The following UNC79 variants were observed in gnomAD, a reference collection of about 807,000 sequenced individuals.
The protein encoded by UNC79 is protein unc-79 homolog.
UNC79 carries 37 observed loss-of-function variants against 283.1 expected under a neutral mutation model. That is an observed-to-expected ratio of 0.13 (90% CI 0.10 to 0.17). The LOEUF (loss-of-function observed/expected upper bound fraction) is 0.17. Ranked by LOEUF, UNC79 falls within the 10% of genes least tolerant of loss-of-function variation. The pLI, the probability that UNC79 is intolerant of heterozygous loss-of-function variation, is 1.00. For missense variants in UNC79, 2,272 were observed against 3,211.1 expected (o/e 0.71, Z 7.07); for synonymous variants, 1,107 against 1,200.2 (o/e 0.92, Z 1.61).
At chr14:93,623,415 A>G (rs1317347030) in intron 30 of UNC79, among the ~76,000 whole-genome samples, 6 of 152,218 alleles carry the variant, frequency 3.9e-5, no homozygotes, top group Admixed American at 2.6e-4. Context: ...TGATGAAGTT[A>G]TCACAGCCCA....
chr14:93,526,515 G>C lies in UNC79; in HGVS notation c.964-2043G>C, dbSNP rs1275234545. Among the ~76,000 whole-genome samples the C allele has an allele frequency of 2.0e-5, 3 of 152,074 alleles. 1 individual carries two copies. Among genetic ancestry groups the C allele is most frequent in the African/African-American group, 7.2e-5 (3 of 41,426 alleles). Reference sequence around the variant, plus strand: ...ACTATGGATTGCATCAAGATGGAAGGTTAATGTGTTAATTGAATTTTCTTT... The same window carrying C: ...ACTATGGATTGCATCAAGATGGAAGCTTAATGTGTTAATTGAATTTTCTTT... On this transcript the variant is annotated intron_variant, in intron 8 of 48. Coordinates refer to ENST00000555664, the Ensembl canonical transcript of UNC79.
At chr14:93,699,165 A>C (rs964985034) in intron 47 of UNC79, among the ~76,000 whole-genome samples, 1 of 152,184 alleles carries the variant, frequency 6.6e-6, no homozygotes, top group Admixed American at 6.5e-5. Flanking sequence ...TGAGGTTTTT[A>C]GATCATTTTC....
intron 30 of UNC79, among the ~76,000 whole-genome samples, chr14:93,625,686 T>G (rs1183052445): frequency 6.6e-6 from 1 of 152,166 alleles, no homozygotes; most frequent in Non-Finnish European, 1.5e-5. Context: ...CCTCCCCTAC[T>G]TCGTGTCTTT....
intron 1 of UNC79, among the ~76,000 whole-genome samples, chr14:93,450,084 G>A (rs951508534): frequency 6.6e-6 from 1 of 152,160 alleles, no homozygotes; most frequent in African/African-American, 2.4e-5. Context: ...AGTGAGTCCT[G>A]GGAAAGAAGG....
chr14:93,528,055 C>A (rs765851616), intron 8 of UNC79, among the ~76,000 whole-genome samples: 15 of 151,812 alleles, frequency 9.9e-5, no homozygotes, highest in Non-Finnish European at 1.9e-4. Flanking sequence ...AGAAGTGAAC[C>A]ACTCAATGTT....
At chr14:93,382,876 T>C (rs1329266984) in intron 1 of UNC79, among the ~76,000 whole-genome samples, 1 of 152,118 alleles carries the variant, frequency 6.6e-6, no homozygotes, top group East Asian at 1.9e-4. Context: ...TTACACTCCA[T>C]GAGGATACAA....
chr14:93,503,989 A>G (rs1387709617), intron 7 of UNC79, among the ~76,000 whole-genome samples: 4 of 151,992 alleles, frequency 2.6e-5, no homozygotes, highest in African/African-American at 9.7e-5. Flanking sequence ...ATGGATAGCC[A>G]GTTGGCTCAA....
chr14:93,703,805 C>A (rs2075695596), intron 47 of UNC79, among the ~76,000 whole-genome samples: 1 of 152,176 alleles, frequency 6.6e-6, no homozygotes, highest in African/African-American at 2.4e-5. Flanking sequence ...ATCGGAGTCC[C>A]CCTCCACCAT....
intron 1 of UNC79, among the ~76,000 whole-genome samples, chr14:93,380,482 G>T (rs1222693308): frequency 6.6e-6 from 1 of 152,122 alleles, no homozygotes; most frequent in East Asian, 1.9e-4. Flanking sequence ...TTTGCTTGGA[G>T]AAATCCCCTT....
rs146182330 is a variant in UNC79 at position 93,653,760 on chromosome 14, T to C, written c.6102T>C (p.Asn2034=). The change falls in exon 36 of 49, where the codon AAT becomes AAC. Residue 2034 remains asparagine, a synonymous_variant. Transcript: ENST00000555664. ...ACTCCAGCATGATGGTTCCCGGCAA[T>C]GCGGCGGGGGTGGCCAAGCAGTTCC... 6.2e-4 allele frequency: 1,006 copies of C among 1,613,154 alleles called. 23 individuals are homozygous for C. In the South Asian group the frequency reaches 0.01, roughly 16 times the overall value.
At chr14:93,680,060 C>G (rs752274894) in intron 41 of UNC79, among the ~76,000 whole-genome samples, 4 of 152,136 alleles carry the variant, frequency 2.6e-5, no homozygotes, top group Non-Finnish European at 5.9e-5. Context: ...GAGGCTTATG[C>G]ACTTTTATTT....
intron 30 of UNC79, among the ~76,000 whole-genome samples, chr14:93,627,892 C>A (rs2067691231): frequency 6.6e-6 from 1 of 152,190 alleles, no homozygotes; most frequent in South Asian, 2.1e-4. Flanking sequence ...CAAAACACAT[C>A]CAGAATGTGG....
intron 7 of UNC79, among the ~76,000 whole-genome samples, chr14:93,523,757 A>G (rs1188422589): frequency 6.6e-6 from 1 of 152,238 alleles, no homozygotes. Flanking sequence ...GGTACTGTAC[A>G]TGCCATCTTA....
Position 93,475,789 on chromosome 14 carries a change from T to A in UNC79, c.448+1396T>A, listed in dbSNP as rs961753330. On this transcript the variant is annotated intron_variant, in intron 3 of 48. Coordinates refer to ENST00000555664, the Ensembl canonical transcript of UNC79. ...CCTTGATTAAGATAAAGACATTAAA[T>A]TTGGTAAATTGCAATCTGTGTAATT... Among the ~76,000 whole-genome samples, 101 of 152,308 alleles carry A rather than the reference T, an allele frequency of 6.6e-4. 1 individual carries two copies. Among genetic ancestry groups the A allele is most frequent in the African/African-American group, 2.3e-3 (94 of 41,568 alleles).
At chr14:93,349,739 C>T (rs1002369448) in intron 1 of UNC79, among the ~76,000 whole-genome samples, 53 of 152,238 alleles carry the variant, frequency 3.5e-4, no homozygotes, top group African/African-American at 1.2e-3. Flanking sequence ...TATCTACCTT[C>T]GCTAAATATT....
intron 14 of UNC79, among the ~76,000 whole-genome samples, chr14:93,548,475 A>T (rs2061714311): frequency 6.6e-6 from 1 of 152,232 alleles, no homozygotes; most frequent in African/African-American, 2.4e-5. Flanking sequence ...AACCTTTTAC[A>T]ACCTCTTATT....
chr14:93,448,276 T>C (rs1217914209), intron 1 of UNC79, among the ~76,000 whole-genome samples: 2 of 151,970 alleles, frequency 1.3e-5, no homozygotes, highest in East Asian at 3.9e-4. Context: ...GTCATGACCA[T>C]TTCTAACGGC....
chr14:93,511,721 A>C (rs1325407673), intron 7 of UNC79, among the ~76,000 whole-genome samples: 1 of 152,208 alleles, frequency 6.6e-6, no homozygotes, highest in African/African-American at 2.4e-5. Flanking sequence ...CTGGGATTAC[A>C]GGCATGAGCC....
At chr14:93,362,775 A>C (rs981839057) in intron 1 of UNC79, among the ~76,000 whole-genome samples, 3 of 152,160 alleles carry the variant, frequency 2.0e-5, no homozygotes, top group African/African-American at 7.2e-5. Flanking sequence ...TTGTGTTCAC[A>C]GAAGTGTTTG....
Sources: gnomAD v4.1 joint callset for allele counts (sites outside exome capture counted in the v4.1 genomes callset) on GRCh38, gnomAD v4.1.1 for gene constraint, MANE v1.5 for transcripts, NCBI Gene and HGNC (gene_info 2026-07-23, HGNC 2026-07-21) for gene names.